Variants in NOD1 observed in about 807,000 individuals in gnomAD.
NOD1 encodes the protein nucleotide-binding oligomerization domain-containing protein 1.
A neutral mutation model predicts 81.2 loss-of-function variants in NOD1; 70 were observed. The observed-to-expected ratio is 0.86, with a 90% CI of 0.71 to 1.05. The LOEUF (loss-of-function observed/expected upper bound fraction) is 1.05, where lower values mean the gene tolerates loss of function less well. NOD1 is among the 50% of genes least tolerant of loss of function. NOD1 has a pLI of 0.00. For synonymous variants in NOD1, 508 were observed against 526.9 expected (o/e 0.96, Z 0.49); for missense variants, 1,233 against 1,228.0 (o/e 1.00, Z -0.06).
At chr7:30,430,688 C>G (rs1375471961) in intron 12 of NOD1, among the ~76,000 whole-genome samples, 1 of 152,210 alleles carries the variant, frequency 6.6e-6, no homozygotes, top group African/African-American at 2.4e-5. Flanking sequence ...CATCTGTAAA[C>G]TGAGAATAAC....
chr7:30,425,724 G>A lies in NOD1; in HGVS notation c.2790-14C>T, dbSNP rs1783387232. The A allele has an allele frequency of 6.2e-7, 1 of 1,600,018 alleles. No individual in the cohort carries two copies. The highest frequency in any genetic ancestry group is 8.6e-7 in the Non-Finnish European group (1 of 1,167,116). On this transcript the variant is annotated splice_polypyrimidine_tract_variant and intron_variant, in intron 13 of 13. Transcript: ENST00000222823. ...TTTCCATTTAGGCTGTTGAAAAGGA[G>A]GAAGACAAAAGTACACAGGTAAAAT...
At chr7:30,441,143 T>G (rs945060013) in intron 9 of NOD1, among the ~76,000 whole-genome samples, 21 of 62,140 alleles carry the variant, frequency 3.4e-4, no homozygotes, top group Non-Finnish European at 6.0e-4. Context: ...TACCAGCCGC[T>G]GCAAAATCAT....
chr7:30,465,810 C>T (rs1787636741), intron 1 of NOD1, among the ~76,000 whole-genome samples: 1 of 152,202 alleles, frequency 6.6e-6, no homozygotes. Context: ...AGTTACAACC[C>T]AGCGTTTTTC....
chr7:30,455,272 C>A lies in NOD1; in HGVS notation c.241G>T (p.Glu81Ter). The A allele has an allele frequency of 6.2e-7, 1 of 1,614,152 alleles. No individual in the cohort carries two copies. Among genetic ancestry groups the A allele is most frequent in the Non-Finnish European group, 8.5e-7 (1 of 1,180,028 alleles). The change falls in exon 5 of 14, where the codon GAG becomes TAG. Residue 81 changes from glutamate (E) to a stop codon, truncating the protein, a stop_gained. Transcript: ENST00000222823. LOFTEE classifies it high-confidence loss of function. Reference protein sequence around the residue: ...ILDLVQSKGEEVSEFFLYLLQ... With the variant: ...ILDLVQSKGE The stretch of plus-strand genomic sequence containing the variant: ...AAGTAGAGGAAGAACTCGGACACCT[C>A]CTCGCCCTTGCTCTGTACCAGGTCC...
chr7:30,478,738 G>A lies in NOD1; in HGVS notation c.-484C>T, dbSNP rs1015349590. On this transcript the variant is annotated 5_prime_UTR_variant, in exon 1 of 14. Transcript: ENST00000222823. This position sits in a 1 kb window ranked among gnomAD's most constrained non-coding sequence, Gnocchi z 4.1. ...ACGCTGCTCCCGCAGTAGCGCGAGG[G>A]AGGGGCAGGACCGGGGCGGCTGCCT... The A allele has an allele frequency of 6.6e-6, 1 of 152,314 alleles. No homozygotes were observed. The highest frequency in any genetic ancestry group is 6.5e-5 in the Admixed American group (1 of 15,288). 9.4% of individuals were successfully genotyped at this position (152,314 alleles called of 1,614,324 possible). A position where few individuals can be genotyped will look rare whatever the true frequency, so the allele number is the denominator to read the frequency against.
intron 1 of NOD1, among the ~76,000 whole-genome samples, chr7:30,469,789 T>C (rs976308400): frequency 2.0e-5 from 3 of 152,218 alleles, no homozygotes; most frequent in Admixed American, 2.0e-4. Context: ...CCTGGACTTG[T>C]CCGGATCAAT....
intron 1 of NOD1, chr7:30,469,062 C>G (rs1048889771): frequency 8.1e-6 from 8 of 985,324 alleles, no homozygotes; most frequent in Admixed American, 6.1e-5. Context: ...TTGGTCAGCT[C>G]AAATGGTGTC....
In NOD1 at chr7:30,452,598, C is replaced by G. The variant is rs777914228; in HGVS notation, c.819G>C (p.Leu273=). The part of the protein sequence containing the change: ...RDPEEVFAFL[L]RFPHVALFTF... Reference sequence around the variant, plus strand: ...TGAAGAGGGCCACGTGGGGGAAGCGCAGCAGGAAGGCAAACACCTCCTCGG... The same window carrying G: ...TGAAGAGGGCCACGTGGGGGAAGCGGAGCAGGAAGGCAAACACCTCCTCGG... The change falls in exon 6 of 14, where the codon CTG becomes CTC. Residue 273 remains leucine (L), a synonymous_variant. Coordinates refer to ENST00000222823, the MANE Select transcript of NOD1 (RefSeq NM_006092.4). 1 of 1,613,674 alleles carries G rather than the reference C, an allele frequency of 6.2e-7. No homozygotes were observed. The highest frequency in any genetic ancestry group is 1.1e-5 in the South Asian group (1 of 91,086).
Position 30,451,637 on chromosome 7 carries a change from C to A in NOD1, c.1780G>T (p.Gly594Trp), listed in dbSNP as rs755406316. 5 of 1,613,946 alleles carry A rather than the reference C, an allele frequency of 3.1e-6. No individual in the cohort carries two copies. The Admixed American group carries it at 8.3e-5, about 27-fold the overall frequency. ...TTCTGTTTGGCTTTGGACAACAGCC[C>A]GCACAGGAAGAGGTTGGTGAACTGG... ...HFQFTNLFLC[G>W]LLSKAKQKLL... The change falls in exon 6 of 14, where the codon GGG becomes TGG. Residue 594 changes from glycine to tryptophan, a missense_variant. Physicochemically the swap from Gly to Trp is radical, Grantham distance 184 (BLOSUM62 -2). Transcript: ENST00000222823. The surrounding 1 kb of genome is among the most constrained non-coding windows in gnomAD (Gnocchi z 4.2).
At position 30,452,237 on chromosome 7, in the gene NOD1, A is replaced by G. The variant is rs1455277713; in HGVS notation, c.1180T>C (p.Cys394Arg). 3 of 1,613,852 alleles carry G rather than the reference A, an allele frequency of 1.9e-6. No individual in the cohort carries two copies. In the East Asian group the frequency reaches 6.7e-5, roughly 36 times the overall value. The change falls in exon 6 of 14, where the codon TGC (cysteine) becomes CGC (arginine). Residue 394 changes from cysteine (C) to arginine (R), a missense_variant. Cys to Arg is a radical substitution (Grantham distance 180). Transcript: ENST00000222823. ...TGGAAGCACCGGAAGATGATCCAGCAGAAGAGGGGCACAGAGCACAGGCTG... is the reference window on the plus strand; with the variant it reads ...TGGAAGCACCGGAAGATGATCCAGCGGAAGAGGGGCACAGAGCACAGGCTG... ...LCSLCSVPLF[C>R]WIIFRCFQHF...
rs1451965033 is a variant in NOD1, at chr7:30,446,063, T to C, written c.2453+78A>G. ...CCCAGTGGTCCTTCTGGTGTACTGA[T>C]GTATGAAAAGAACAGCAAGGCCCGC... On this transcript the variant is annotated intron_variant, in intron 9 of 13. Coordinates refer to ENST00000222823, the MANE Select transcript of NOD1 (RefSeq NM_006092.4). 3.8e-6 allele frequency: 4 copies of C among 1,064,746 alleles called. No homozygotes were observed. The African/African-American group carries it at 4.7e-5, about 12-fold the overall frequency. 66.0% of individuals were successfully genotyped at this position (1,064,746 alleles called of 1,614,324 possible). A position where few individuals can be genotyped will look rare whatever the true frequency, so the allele number is the denominator to read the frequency against.
Position 30,425,594 on chromosome 7 carries a change from C to G in NOD1, c.*44G>C, listed in dbSNP as rs1486709152. 3.4e-6 allele frequency: 5 copies of G among 1,458,236 alleles called. No individual in the cohort carries two copies. Among genetic ancestry groups the G allele is most frequent in the Non-Finnish European group, 4.8e-6 (5 of 1,037,578 alleles). 90.3% of individuals were successfully genotyped at this position (1,458,236 alleles called of 1,614,324 possible). A position where few individuals can be genotyped will look rare whatever the true frequency, so the allele number is the denominator to read the frequency against. ...AGACTGCCCAGAGTGGCATTTGCTG[C>G]TGAGGCTCCAGGGCAAAAACCCCAT... On this transcript the variant is annotated 3_prime_UTR_variant, in exon 14 of 14. Coordinates refer to ENST00000222823, the MANE Select transcript of NOD1 (RefSeq NM_006092.4).
intron 6 of NOD1, among the ~76,000 whole-genome samples, chr7:30,450,902 C>G (rs1303876807): frequency 6.6e-6 from 1 of 152,214 alleles, no homozygotes; most frequent in Non-Finnish European, 1.5e-5. Flanking sequence ...ATGCACTTCA[C>G]CCATTCTCAA....
At chr7:30,466,297 C>G (rs899305330) in intron 1 of NOD1, among the ~76,000 whole-genome samples, 3 of 152,164 alleles carry the variant, frequency 2.0e-5, no homozygotes, top group Non-Finnish European at 4.4e-5. Flanking sequence ...GAAACATGAG[C>G]AGAAACAGAA....
chr7:30,474,469 C>T (rs1385773097), intron 1 of NOD1, among the ~76,000 whole-genome samples: 1 of 152,226 alleles, frequency 6.6e-6, no homozygotes, highest in African/African-American at 2.4e-5. Context: ...TTTCCACAGA[C>T]AGCGGCGAGT....
rs1163264415 is a variant in NOD1 at position 30,436,077 on chromosome 7, C to A, written c.2542G>T (p.Ala848Ser). ...CCTTCTGTGGAGATGCCGTTGGACG[C>A]AAGACTAGGAAGGAACACACTTGGG... Reference protein sequence around the residue: ...NHPSLTTLSLASNGISTEGGK... With the variant: ...NHPSLTTLSLSSNGISTEGGK... The change falls in exon 11 of 14, where the codon GCG (alanine) becomes TCG (serine). Residue 848 changes from alanine to serine, a missense_variant. Ala to Ser is a moderately conservative substitution (Grantham distance 99). Coordinates refer to ENST00000222823, the MANE Select transcript of NOD1 (RefSeq NM_006092.4). The A allele has an allele frequency of 6.2e-7, 1 of 1,613,514 alleles. No individual in the cohort carries two copies. The highest frequency in any genetic ancestry group is 8.5e-7 in the Non-Finnish European group (1 of 1,179,394).
At chr7:30,447,240 C>G (rs767847126) in intron 7 of NOD1, 190 bp from the exon 8 acceptor site, 64 of 818,398 alleles carry the variant, frequency 7.8e-5, no homozygotes, top group Non-Finnish European at 1.1e-4. Context: ...CTTTCCCCAG[C>G]TTTATGGCCT....
At chr7:30,445,062 G>A (rs1784894279) in intron 9 of NOD1, among the ~76,000 whole-genome samples, 1 of 47,056 alleles carries the variant, frequency 2.1e-5, no homozygotes, top group East Asian at 4.8e-4. Flanking sequence ...ATTGAACAAT[G>A]AGATCACATG....
chr7:30,471,854 G>A (rs55689059), intron 1 of NOD1, among the ~76,000 whole-genome samples: 23,504 of 152,162 alleles, frequency 0.15, 2,066 homozygotes, highest in Admixed American at 0.23. Flanking sequence ...GAAGGATGCC[G>A]GGTGCCTAGG....
Sources: allele counts gnomAD v4.1 joint callset (sites outside exome capture counted in the v4.1 genomes callset), GRCh38; gene constraint gnomAD v4.1.1; non-coding constraint Gnocchi (gnomAD v3.1); transcripts MANE v1.5; gene names NCBI Gene and HGNC (gene_info 2026-07-23, HGNC 2026-07-21).